The following DGKB variants were observed in gnomAD, a reference collection of about 807,000 sequenced individuals.
DGKB encodes the protein 90 kDa diacylglycerol kinase.
In DGKB, 67 loss-of-function variants were observed where a neutral mutation model predicts 114.3. That is an observed-to-expected ratio of 0.59 (90% CI 0.48 to 0.72). The LOEUF is 0.72. Among genes scored for constraint, DGKB ranks in the 30% least tolerant of loss-of-function variants. The pLI is 0.00. For missense variants in DGKB, 907 were observed against 975.2 expected, an observed-to-expected ratio of 0.93 and a Z score of 0.93; for synonymous variants, 398 against 323.1, an observed-to-expected ratio of 1.23 and a Z score of -2.49.
chr7:14,690,304 G>C (rs1290874643), intron 9 of DGKB, among the ~76,000 whole-genome samples: 1 of 152,106 alleles, frequency 6.6e-6, no homozygotes, highest in Non-Finnish European at 1.5e-5. Context: ...CAACTGCCTG[G>C]TATAAAAATG....
rs1269595320 is a variant in DGKB at position 14,841,174 on chromosome 7, A to T, written c.70+20T>A. 2.5e-6 allele frequency: 4 copies of T among 1,587,612 alleles called. No individual in the cohort carries two copies. The highest frequency in any genetic ancestry group is 4.5e-5 in the East Asian group (2 of 44,634). ...AGCACAAATGTCAAATAATCTCATAATATCAATATGAATACTTACACTCAG... is the reference window on the plus strand; with the variant it reads ...AGCACAAATGTCAAATAATCTCATATTATCAATATGAATACTTACACTCAG... On this transcript the variant is annotated intron_variant, in intron 2 of 25. Coordinates refer to ENST00000402815, the MANE Select transcript of DGKB (RefSeq NM_001350709.2).
chr7:14,485,937 AC>A (rs1415193274), intron 20 of DGKB, among the ~76,000 whole-genome samples: 1 of 152,006 alleles, frequency 6.6e-6, no homozygotes, highest in Non-Finnish European at 1.5e-5. Flanking sequence ...AGGTGGCTGC[AC>A]CCGTGAGCAG....
chr7:14,307,674 G>A (rs958600378), intron 23 of DGKB, among the ~76,000 whole-genome samples: 1 of 152,172 alleles, frequency 6.6e-6, no homozygotes, highest in Non-Finnish European at 1.5e-5. Context: ...ATGAATAAAA[G>A]TAATGTTAGA....
At chr7:14,531,960 A>T (rs888329190) in intron 20 of DGKB, among the ~76,000 whole-genome samples, 1 of 151,136 alleles carries the variant, frequency 6.6e-6, no homozygotes, top group African/African-American at 2.4e-5. Context: ...AGATAATTAG[A>T]TACCAATATG....
chr7:14,406,416 G>C (rs1001218511), intron 21 of DGKB, among the ~76,000 whole-genome samples: 1 of 151,904 alleles, frequency 6.6e-6, no homozygotes, highest in Non-Finnish European at 1.5e-5. Flanking sequence ...TCATATTTTA[G>C]GTATATAAAG....
chr7:14,652,522 C>T (rs531417253), intron 13 of DGKB, among the ~76,000 whole-genome samples: 69 of 151,970 alleles, frequency 4.5e-4, no homozygotes, highest in African/African-American at 1.1e-3. Context: ...AAGACTTAAA[C>T]GTTAGACCTA....
chr7:14,417,650 T>C (rs1745322831), intron 21 of DGKB, among the ~76,000 whole-genome samples: 1 of 151,840 alleles, frequency 6.6e-6, no homozygotes, highest in African/African-American at 2.4e-5. Flanking sequence ...AGTTTTTGCA[T>C]GGACATGTGA....
intron 6 of DGKB, among the ~76,000 whole-genome samples, chr7:14,711,840 G>A (rs768252793): frequency 5.3e-5 from 8 of 152,134 alleles, no homozygotes; most frequent in Admixed American, 2.6e-4. Flanking sequence ...GGAATTCTGA[G>A]TATAAGGATA....
intron 1 of DGKB, among the ~76,000 whole-genome samples, chr7:14,858,928 C>G (rs1453950493): frequency 1.3e-5 from 2 of 152,108 alleles, no homozygotes; most frequent in East Asian, 3.8e-4. Flanking sequence ...TAATCTCAGT[C>G]TATTAGGGAA....
chr7:14,202,704 AC>A (rs1786097026), intron 23 of DGKB, among the ~76,000 whole-genome samples: 1 of 152,016 alleles, frequency 6.6e-6, no homozygotes, highest in South Asian at 2.1e-4. Flanking sequence ...ACAATTTGAT[AC>A]TATTATTAAA....
chr7:14,929,789 C>A (rs746221663), intron 1 of DGKB, among the ~76,000 whole-genome samples: 58 of 151,970 alleles, frequency 3.8e-4, no homozygotes, highest in Admixed American at 9.2e-4. Context: ...GTTATGAATT[C>A]TTTGCCTAGA....
intron 17 of DGKB, among the ~76,000 whole-genome samples, chr7:14,596,485 G>C (rs1802600323): frequency 6.6e-6 from 1 of 152,118 alleles, no homozygotes; most frequent in South Asian, 2.1e-4. Context: ...GTCACACTGA[G>C]CAATGGGGAT....
chr7:14,419,764 C>G (rs955014734), intron 21 of DGKB, among the ~76,000 whole-genome samples: 2 of 151,934 alleles, frequency 1.3e-5, no homozygotes, highest in Non-Finnish European at 2.9e-5. Flanking sequence ...CCTTTACAAT[C>G]AAGATATAAA....
intron 1 of DGKB, among the ~76,000 whole-genome samples, chr7:14,899,901 G>C (rs1782721455): frequency 6.6e-6 from 1 of 152,096 alleles, no homozygotes; most frequent in African/African-American, 2.4e-5. Context: ...ATTAGAGTTA[G>C]TCACATCGAG....
intron 23 of DGKB, among the ~76,000 whole-genome samples, chr7:14,269,976 G>A (rs978884039): frequency 7.5e-6 from 1 of 132,908 alleles, no homozygotes; most frequent in Non-Finnish European, 1.5e-5. Flanking sequence ...AGATTAAAAT[G>A]TACTGACCTT....
chr7:14,549,392 C>G (rs1409365302), intron 20 of DGKB, among the ~76,000 whole-genome samples: 1 of 151,996 alleles, frequency 6.6e-6, no homozygotes, highest in East Asian at 1.9e-4. Flanking sequence ...CAGAAATTAC[C>G]TAGGAATAAA....
chr7:14,170,877 A>G (rs2128237209), intron 25 of DGKB, among the ~76,000 whole-genome samples: 1 of 152,330 alleles, frequency 6.6e-6, no homozygotes, highest in South Asian at 2.1e-4. Flanking sequence ...GGACACAAAC[A>G]AAGGCAAAGC....
Position 14,613,369 on chromosome 7 carries a change from G to C in DGKB, c.1329C>G (p.Asn443Lys). ...CTCCTTGTTTTCCACCACTTTTGGGGTTCACAAAAACTAAAAGTGGGTGAG... is the reference window on the plus strand; with the variant it reads ...CTCCTTGTTTTCCACCACTTTTGGGCTTCACAAAAACTAAAAGTGGGTGAG... ...PGTHPLLVFV[N>K]PKSGGKQGER... The change falls in exon 16 of 26, where the codon AAC becomes AAG. Residue 443 changes from asparagine (N) to lysine (K), a missense_variant. Around this residue, in one of 3 missense-constraint regions of DGKB, gnomAD observed 814 missense variants for 856.6 expected, o/e 0.95. Transcript: ENST00000402815. 1 of 1,571,256 alleles carries C rather than the reference G, an allele frequency of 6.4e-7. No homozygotes were observed.
At chr7:14,621,099 G>A (rs559694065) in intron 15 of DGKB, 49 of 306,500 alleles carry the variant, frequency 1.6e-4, no homozygotes, top group African/African-American at 1.1e-3. Flanking sequence ...TTTAATAAGT[G>A]TGTATATTTA....
Sources: gnomAD v4.1 joint callset for allele counts (sites outside exome capture counted in the v4.1 genomes callset) on GRCh38, gnomAD v4.1.1 for gene constraint, gnomAD v4.1.1 regional missense constraint, MANE v1.5 for transcripts, NCBI Gene and HGNC (gene_info 2026-07-23, HGNC 2026-07-21) for gene names.